The following NDUFA10 variants were observed in gnomAD, a reference collection of about 807,000 sequenced individuals.
NDUFA10 encodes NADH dehydrogenase [ubiquinone] 1 alpha subcomplex subunit 10, mitochondrial.
Under a neutral mutation model 47.8 loss-of-function variants are expected in NDUFA10, and 40 were observed. That is an observed-to-expected ratio of 0.84 (90% CI 0.65 to 1.09). The LOEUF (loss-of-function observed/expected upper bound fraction) is 1.09. Among genes scored for constraint, NDUFA10 ranks in the 50% least tolerant of loss-of-function variants. The pLI is 0.00. For synonymous variants in NDUFA10, 183 were observed against 172.2 expected (o/e 1.06, Z -0.49); for missense variants, 413 against 451.1 (o/e 0.92, Z 0.76).
Position 239,957,496 on chromosome 2 carries a change from G to T in NDUFA10, c.*3622C>A, listed in dbSNP as rs1444181216. On this transcript the variant is annotated 3_prime_UTR_variant, in exon 10 of 10. Transcript: ENST00000252711. ...CAGAATTTTAATTTAAAGATAAAAAGTGTTCACTTGTGAAAAATTTACTAT... is the reference window on the plus strand; with the variant it reads ...CAGAATTTTAATTTAAAGATAAAAATTGTTCACTTGTGAAAAATTTACTAT... 3 of 152,192 alleles carry T rather than the reference G, an allele frequency of 2.0e-5. No individual in the cohort carries two copies. Among genetic ancestry groups the T allele is most frequent in the South Asian group, 2.1e-4 (1 of 4,820 alleles). 9.4% of individuals were successfully genotyped at this position (152,192 alleles called of 1,614,324 possible). A position where few individuals can be genotyped will look rare whatever the true frequency, so the allele number is the denominator to read the frequency against.
At chr2:239,939,463 C>T (rs529213656) in intron 4 of NDUFA10, among the ~76,000 whole-genome samples, 210 of 152,374 alleles carry the variant, frequency 1.4e-3, no homozygotes, top group African/African-American at 5.0e-3. Flanking sequence ...CCCGCGTACT[C>T]CAACGTGTCT....
At chr2:239,951,362 C>T (rs572078926) in intron 4 of NDUFA10, among the ~76,000 whole-genome samples, 2 of 152,336 alleles carry the variant, frequency 1.3e-5, no homozygotes, top group East Asian at 3.9e-4. Context: ...GAGACGCAGA[C>T]ATTGATGACT....
At chr2:239,976,246 C>T (rs541564409) in intron 9 of NDUFA10, among the ~76,000 whole-genome samples, 3 of 152,314 alleles carry the variant, frequency 2.0e-5, no homozygotes, top group African/African-American at 7.2e-5. Flanking sequence ...CCTGCTGTAA[C>T]CCCCACGTGG....
At chr2:239,961,873 T>G (rs7577635) in intron 9 of NDUFA10, among the ~76,000 whole-genome samples, 2 of 151,946 alleles carry the variant, frequency 1.3e-5, no homozygotes, top group African/African-American at 2.4e-5. Flanking sequence ...TTGGCAGTGA[T>G]GGAGCTGCAG....
intron 4 of NDUFA10, among the ~76,000 whole-genome samples, chr2:239,933,486 G>A (rs1268006398): frequency 6.6e-6 from 1 of 151,740 alleles, no homozygotes; most frequent in Non-Finnish European, 1.5e-5. Context: ...GGACAGCCAA[G>A]CCACGGAGCC....
intron 4 of NDUFA10, 32 bp downstream of exon 4, chr2:240,018,521 C>T (rs1467683869): frequency 6.2e-7 from 1 of 1,614,224 alleles, no homozygotes; most frequent in Admixed American, 1.7e-5. Context: ...TCGCACCACA[C>T]ACCCAGAAGT....
chr2:239,914,673 GACACAGAGATACACAC>G (rs1693815178), intron 4 of NDUFA10, among the ~76,000 whole-genome samples: 2 of 30,122 alleles, frequency 6.6e-5, no homozygotes, highest in African/African-American at 6.2e-4. Flanking sequence ...CAAATATACA[GACACAGAGATACACAC>G]ACACACAGAG....
rs181423432 is a variant in NDUFA10 at position 239,980,840 on chromosome 2, G to C, written c.999+9234C>G. Among the ~76,000 whole-genome samples, 16 of 152,308 alleles carry C rather than the reference G, an allele frequency of 1.1e-4. 1 individual carries two copies. The East Asian group carries it at 2.7e-3, about 26-fold the overall frequency. The stretch of plus-strand genomic sequence containing the variant: ...CCACAAGACACGGCCTGGTGTCCCT[G>C]TGAGGTGACTCCTGAAGGGCCACAC... On this transcript the variant is annotated intron_variant, in intron 9 of 9. Transcript: ENST00000252711.
At chr2:240,003,100 T>C (rs1428026551) in intron 8 of NDUFA10, among the ~76,000 whole-genome samples, 1 of 152,140 alleles carries the variant, frequency 6.6e-6, no homozygotes, top group Non-Finnish European at 1.5e-5. Context: ...TCCTCCCACT[T>C]GAGCTTCCCA....
chr2:240,011,827 T>G lies in NDUFA10; in HGVS notation c.670-131A>C, dbSNP rs1697156970. The G allele has an allele frequency of 3.8e-6, 3 of 791,652 alleles. No individual in the cohort carries two copies. The Admixed American group carries it at 5.9e-5, about 16-fold the overall frequency. 49.0% of individuals were successfully genotyped at this position (791,652 alleles called of 1,614,324 possible). ...AACTCACACCGGGCACTGTGGGGACTGCGGGGTGACAGCAAAGGGTCCCAA... is the reference window on the plus strand; with the variant it reads ...AACTCACACCGGGCACTGTGGGGACGGCGGGGTGACAGCAAAGGGTCCCAA... On this transcript the variant is annotated intron_variant, in intron 5 of 9. Transcript: ENST00000252711.
rs1694694525 is a variant in NDUFA10 at position 239,957,642 on chromosome 2, C to A, written c.*3476G>T. ...GTTTCATTTGTCTTCCTATTAGAAC[C>A]CTTAAATCAGCCTCCTTCAAGCAAG... On this transcript the variant is annotated 3_prime_UTR_variant, in exon 10 of 10. Transcript: ENST00000252711. 1 of 152,120 alleles carries A rather than the reference C, an allele frequency of 6.6e-6. No individual in the cohort carries two copies. The highest frequency in any genetic ancestry group is 6.5e-5 in the Admixed American group (1 of 15,282). The allele number at this position is 152,120 out of a possible 1,614,324, so 9.4% of individuals were successfully genotyped here. A position where few individuals can be genotyped will look rare whatever the true frequency, so the allele number is the denominator to read the frequency against.
chr2:239,969,730 A>G (rs1257833863), intron 9 of NDUFA10: 1 of 471,476 alleles, frequency 2.1e-6, no homozygotes, highest in African/African-American at 2.0e-5. Context: ...CCTCTTCGAC[A>G]TCTAATCTCT....
intron 4 of NDUFA10, among the ~76,000 whole-genome samples, chr2:239,930,457 CGAGA>C (rs1694148109): frequency 6.6e-6 from 1 of 151,664 alleles, no homozygotes; most frequent in Admixed American, 6.6e-5. Context: ...GCCACTTCGC[CGAGA>C]GAAATGACCA....
In NDUFA10 at chr2:239,928,439, GATT is replaced by G. The variant is rs1013246905; in HGVS notation, c.295-33128_295-33126del. ...GCGATCTGAAAATTACTTCTATTGT[GATT>G]ATTATTCTGTGAAGTCAGTTCCTCA... On this transcript the variant is annotated intron_variant, in intron 4 of 5. Coordinates refer to the NDUFA10 transcript ENST00000419408. This position sits in a 1 kb window ranked among gnomAD's most constrained non-coding sequence, Gnocchi z 4.3. Among the ~76,000 whole-genome samples the G allele has an allele frequency of 6.6e-6, 1 of 152,166 alleles. No homozygotes were observed. The highest frequency in any genetic ancestry group is 2.4e-5 in the African/African-American group (1 of 41,440).
intron 5 of NDUFA10, chr2:240,011,919 G>A (rs1020829627): frequency 4.5e-5 from 26 of 572,162 alleles, no homozygotes; most frequent in Middle Eastern, 4.8e-4. Context: ...CTCCCATAGC[G>A]TGACTTTCTC....
intron 4 of NDUFA10, among the ~76,000 whole-genome samples, chr2:239,951,195 CTAT>C (rs1343245130): frequency 6.6e-6 from 1 of 152,214 alleles, no homozygotes; most frequent in Admixed American, 6.5e-5. Context: ...GGAGAGGCTA[CTAT>C]TGAGACAGGG....
chr2:240,022,796 A>G (rs73107419), intron 1 of NDUFA10, among the ~76,000 whole-genome samples: 1,527 of 152,246 alleles, frequency 0.01, 24 homozygotes, highest in African/African-American at 0.035. Flanking sequence ...ACTGCCTATT[A>G]AACAGCTCCA....
At chr2:239,947,119 A>G (rs1694469330) in intron 4 of NDUFA10, among the ~76,000 whole-genome samples, 4 of 152,206 alleles carry the variant, frequency 2.6e-5, no homozygotes, top group Admixed American at 2.6e-4. Context: ...TCCAGGCTGC[A>G]GTGCAGCCCC....
rs113307099 is a variant in NDUFA10 at position 239,910,101 on chromosome 2, T to G, written c.295-14787A>C. Among the ~76,000 whole-genome samples the G allele has an allele frequency of 2.1e-3, 317 of 152,316 alleles. 1 individual carries two copies. The highest frequency in any genetic ancestry group is 3.7e-3 in the Admixed American group (56 of 15,296). ...CAAGGTTGCAGAGTAAAAGGAATGCTTTGACACTGTTGGTGGGAATGTAAA... is the reference window on the plus strand; with the variant it reads ...CAAGGTTGCAGAGTAAAAGGAATGCGTTGACACTGTTGGTGGGAATGTAAA... On this transcript the variant is annotated intron_variant, in intron 4 of 5. Transcript: ENST00000419408.
Sources: gnomAD v4.1 joint callset for allele counts (sites outside exome capture counted in the v4.1 genomes callset) on GRCh38, gnomAD v4.1.1 for gene constraint, Gnocchi (gnomAD v3.1) non-coding constraint, MANE v1.5 for transcripts, NCBI Gene and HGNC (gene_info 2026-07-23, HGNC 2026-07-21) for gene names.